PPHLN1: variants seen among roughly 807,000 people sequenced by gnomAD.
The protein encoded by PPHLN1 is periphilin 1.
A neutral mutation model predicts 51.3 loss-of-function variants in PPHLN1; 29 were observed. The observed-to-expected ratio is 0.57, with a 90% CI of 0.42 to 0.77. The LOEUF is 0.77. Ranked by LOEUF, PPHLN1 falls within the 30% of genes least tolerant of loss-of-function variation. The probability of loss-of-function intolerance (pLI) is 0.00; values close to 1 mark genes in which losing one functional copy is unlikely to be tolerated. For missense variants in PPHLN1, 436 were observed against 438.4 expected, an observed-to-expected ratio of 0.99 and a Z score of 0.05; for synonymous variants, 147 against 147.8, an observed-to-expected ratio of 0.99 and a Z score of 0.04.
chr12:42,352,124 G>T, intron 3 of PPHLN1, 75 bp downstream of exon 3: 1 of 1,289,886 alleles, frequency 7.8e-7, no homozygotes, highest in South Asian at 2.3e-5. Flanking sequence ...AAATTTATGT[G>T]ACGGCCGTGA....
chr12:42,363,434 T>C (rs943008668), intron 4 of PPHLN1, among the ~76,000 whole-genome samples: 1 of 148,492 alleles, frequency 6.7e-6, no homozygotes, highest in Non-Finnish European at 1.5e-5. Context: ...AGTGGAACTT[T>C]ATACTCTAGC....
chr12:42,394,545 A>G (rs534944929), intron 8 of PPHLN1, among the ~76,000 whole-genome samples: 1 of 152,262 alleles, frequency 6.6e-6, no homozygotes, highest in Non-Finnish European at 1.5e-5. Flanking sequence ...TCCTTTCCAA[A>G]GTAACTAATG....
intron 7 of PPHLN1, among the ~76,000 whole-genome samples, chr12:42,390,399 T>G (rs2077583454): frequency 6.6e-6 from 1 of 152,206 alleles, no homozygotes; most frequent in African/African-American, 2.4e-5. Flanking sequence ...AAATAGTACC[T>G]GCCTATCAAA....
At chr12:42,332,124 A>G (rs2069846871) in intron 1 of PPHLN1, among the ~76,000 whole-genome samples, 1 of 152,154 alleles carries the variant, frequency 6.6e-6, no homozygotes, top group African/African-American at 2.4e-5. Flanking sequence ...GGATCACTTG[A>G]GCCCAGGAGG....
In PPHLN1 at chr12:42,411,126, AT is replaced by A. The variant is rs201061885; in HGVS notation, c.909+12141del. 1.4e-3 allele frequency among the ~76,000 whole-genome samples: 211 copies of A among 149,388 alleles called. 1 individual carries two copies. Among genetic ancestry groups the A allele is most frequent in the South Asian group, 4.0e-3 (19 of 4,750 alleles). On this transcript the variant is annotated intron_variant, in intron 9 of 9. Transcript: ENST00000358314. The stretch of plus-strand genomic sequence containing the variant: ...ATGTCCTCCAGTTGAAATTAGGTCG[AT>A]TTTTTTTTATCCTTTCATTTTCCTT...
intron 9 of PPHLN1, among the ~76,000 whole-genome samples, chr12:42,426,228 A>ACCCC (rs1555220467): frequency 1.5e-5 from 2 of 129,788 alleles, no homozygotes; most frequent in African/African-American, 6.6e-5. Flanking sequence ...ACACACACAC[A>ACCCC]CCCTCATGCA....
At chr12:42,379,221 GTC>G (rs1463595145) in intron 5 of PPHLN1, among the ~76,000 whole-genome samples, 1 of 151,456 alleles carries the variant, frequency 6.6e-6, no homozygotes, top group Non-Finnish European at 1.5e-5. Context: ...ACTAAGTTCA[GTC>G]TCCCACACCC....
Position 42,411,607 on chromosome 12 carries a change from A to T in PPHLN1, c.909+12613A>T, listed in dbSNP as rs118144230. On this transcript the variant is annotated intron_variant, in intron 9 of 9. Coordinates refer to ENST00000358314, the MANE Select transcript of PPHLN1 (RefSeq NM_201439.2). ...CACCAAGCAGTGTATATTGTATTCAATAAATAGGTTTTTTAGGCTGGGCGC... is the reference window on the plus strand; with the variant it reads ...CACCAAGCAGTGTATATTGTATTCATTAAATAGGTTTTTTAGGCTGGGCGC... 8.7e-3 allele frequency among the ~76,000 whole-genome samples: 1,325 copies of T among 152,310 alleles called. 19 individuals are homozygous for T. The highest frequency in any genetic ancestry group is 0.01 in the Non-Finnish European group (709 of 68,024).
At chr12:42,436,298 C>A (rs1051495619) in intron 9 of PPHLN1, among the ~76,000 whole-genome samples, 1 of 152,188 alleles carries the variant, frequency 6.6e-6, no homozygotes, top group Non-Finnish European at 1.5e-5. Context: ...GCTATTCATT[C>A]AACATTTACT....
intron 9 of PPHLN1, among the ~76,000 whole-genome samples, chr12:42,405,491 A>C (rs1272515701): frequency 6.6e-6 from 1 of 152,228 alleles, no homozygotes; most frequent in Non-Finnish European, 1.5e-5. Flanking sequence ...CTAGAAGTGA[A>C]TTGATGATTG....
At chr12:42,352,434 G>T (rs2073477940) in intron 3 of PPHLN1, among the ~76,000 whole-genome samples, 1 of 148,926 alleles carries the variant, frequency 6.7e-6, no homozygotes, top group Non-Finnish European at 1.5e-5. Flanking sequence ...TTTTGAGACA[G>T]AGTCTTACTC....
At chr12:42,358,235 A>G (rs985537680) in intron 4 of PPHLN1, among the ~76,000 whole-genome samples, 2 of 152,030 alleles carry the variant, frequency 1.3e-5, no homozygotes, top group Admixed American at 1.3e-4. Flanking sequence ...TCTCTTTTTT[A>G]TAACATTTTG....
At chr12:42,340,760 A>G (rs11181437) in intron 2 of PPHLN1, among the ~76,000 whole-genome samples, 6 of 151,972 alleles carry the variant, frequency 3.9e-5, no homozygotes, top group African/African-American at 1.5e-4. Flanking sequence ...AAATTTATCC[A>G]TTTGTGATTT....
chr12:42,349,100 A>G (rs566603750), intron 2 of PPHLN1, among the ~76,000 whole-genome samples: 2 of 152,346 alleles, frequency 1.3e-5, no homozygotes, highest in South Asian at 2.1e-4. Flanking sequence ...TTTGAATAGT[A>G]TATAGTCATT....
intron 4 of PPHLN1, among the ~76,000 whole-genome samples, chr12:42,356,758 G>C (rs1207817350): frequency 2.0e-5 from 3 of 152,106 alleles, no homozygotes; most frequent in Non-Finnish European, 2.9e-5. Context: ...TGTACTGAAT[G>C]GTAAAATTAG....
intron 9 of PPHLN1, among the ~76,000 whole-genome samples, chr12:42,435,251 C>G (rs148551369): frequency 8.7e-4 from 133 of 152,214 alleles, no homozygotes; most frequent in Non-Finnish European, 4.7e-4. Flanking sequence ...ATTGCTGAGG[C>G]TTTTTAGCAT....
At chr12:42,436,192 C>T (rs1343562690) in intron 9 of PPHLN1, among the ~76,000 whole-genome samples, 1 of 152,140 alleles carries the variant, frequency 6.6e-6, no homozygotes, top group East Asian at 1.9e-4. Context: ...GGCATCTGTG[C>T]CTTCACTGTC....
chr12:42,384,818 T>C (rs2077055846), intron 5 of PPHLN1, 122 bp from the exon 6 acceptor site: 2 of 875,308 alleles, frequency 2.3e-6, no homozygotes, highest in South Asian at 3.5e-5. Flanking sequence ...GGAAAGAGTT[T>C]AGGGCCACCA....
chr12:42,427,192 T>C (rs75789469), intron 9 of PPHLN1, among the ~76,000 whole-genome samples: 4,817 of 152,284 alleles, frequency 0.032, 102 homozygotes, highest in Non-Finnish European at 0.049. Context: ...ATCTGTGAAA[T>C]TGTAAAAAGA....
Sources: gnomAD v4.1 joint callset for allele counts (sites outside exome capture counted in the v4.1 genomes callset) on GRCh38, gnomAD v4.1.1 for gene constraint, MANE v1.5 for transcripts, NCBI Gene and HGNC (gene_info 2026-07-23, HGNC 2026-07-21) for gene names.